FLI1: variants seen among roughly 807,000 people sequenced by gnomAD.
The protein encoded by FLI1 is Fli-1 proto-oncogene, ETS transcription factor, also known as Friend leukemia integration 1 transcription factor.
FLI1 carries 13 observed loss-of-function variants against 53.1 expected under a neutral mutation model. The observed-to-expected ratio is 0.24, with a 90% CI of 0.16 to 0.39. FLI1 has a LOEUF of 0.39. Ranked by LOEUF, FLI1 falls within the 10% of genes least tolerant of loss-of-function variation. The pLI is 1.00. For synonymous variants in FLI1, 244 were observed against 236.7 expected (o/e 1.03, Z -0.28); for missense variants, 424 against 600.5 (o/e 0.71, Z 3.07).
At position 128,810,513 on chromosome 11, in the gene FLI1, C is replaced by A. The variant is rs748615215; in HGVS notation, c.884C>A (p.Ala295Asp). 1 of 1,608,688 alleles carries A rather than the reference C, an allele frequency of 6.2e-7. No individual in the cohort carries two copies. Among genetic ancestry groups the A allele is most frequent in the South Asian group, 1.1e-5 (1 of 89,980 alleles). ...CTCCTGGAGCTGCTCTCCGACAGCG[C>A]CAACGCCAGCTGTATCACCTGGGAG... ...QFLLELLSDSANASCITWEGT... is the reference protein window; with the variant it reads ...QFLLELLSDSDNASCITWEGT... The change falls in exon 9 of 9, where the codon GCC (alanine) becomes GAC (aspartate). Residue 295 changes from alanine to aspartate, a missense_variant. By Grantham distance (126) the Ala-to-Asp change is moderately radical. Transcript: ENST00000527786. The surrounding 1 kb of genome is among the most constrained non-coding windows in gnomAD (Gnocchi z 6.6).
chr11:128,689,101 A>G (rs1937641401), upstream of FLI1, among the ~76,000 whole-genome samples: 4 of 152,212 alleles, frequency 2.6e-5, no homozygotes, highest in Non-Finnish European at 4.4e-5. Context: ...AGATGAGGAC[A>G]GTGAGGCACA....
intron 5 of FLI1, among the ~76,000 whole-genome samples, chr11:128,800,752 A>G (rs1257055594): frequency 6.6e-6 from 1 of 152,200 alleles, no homozygotes; most frequent in Non-Finnish European, 1.5e-5. Context: ...TAAGGACATC[A>G]TATATGTGAG....
chr11:128,809,316 G>A (rs630797), intron 8 of FLI1, 112 bp downstream of exon 8: 8 of 852,602 alleles, frequency 9.4e-6, no homozygotes, highest in East Asian at 2.5e-5. Context: ...TAACATGCAC[G>A]TCTTTCCTTG....
At chr11:128,807,927 A>C (rs1942828924) in intron 7 of FLI1, among the ~76,000 whole-genome samples, 2 of 152,170 alleles carry the variant, frequency 1.3e-5, no homozygotes, top group Non-Finnish European at 2.9e-5. Context: ...GCTGTGCCCA[A>C]GCCCCAGCTC....
At chr11:128,706,621 C>G (rs886551468) in intron 1 of FLI1, among the ~76,000 whole-genome samples, 6 of 152,138 alleles carry the variant, frequency 3.9e-5, no homozygotes, top group African/African-American at 1.4e-4. Context: ...ATTCATGCCC[C>G]CAAACACCAC....
chr11:128,718,013 G>A (rs1939090680), intron 1 of FLI1, among the ~76,000 whole-genome samples: 1 of 152,214 alleles, frequency 6.6e-6, no homozygotes, highest in Non-Finnish European at 1.5e-5. Flanking sequence ...GTTCCCTTGG[G>A]GGCCTCTGAG....
At chr11:128,765,227 A>C (rs546111772) in intron 2 of FLI1, among the ~76,000 whole-genome samples, 112 of 152,234 alleles carry the variant, frequency 7.4e-4, no homozygotes, top group African/African-American at 2.6e-3. Context: ...TTACAAGGTC[A>C]CGTGTTAGGC....
intron 1 of FLI1, among the ~76,000 whole-genome samples, chr11:128,742,937 T>A (rs997518066): frequency 4.6e-5 from 7 of 152,180 alleles, no homozygotes; most frequent in African/African-American, 1.4e-4. Flanking sequence ...AGGTTCCCCA[T>A]GGACATTTTG....
At chr11:128,778,367 A>C (rs961340682) in intron 4 of FLI1, among the ~76,000 whole-genome samples, 1 of 152,020 alleles carries the variant, frequency 6.6e-6, no homozygotes, top group African/African-American at 2.4e-5. Flanking sequence ...CCACCCCACA[A>C]CCGCTTCCTC....
intron 1 of FLI1, among the ~76,000 whole-genome samples, chr11:128,705,784 G>T (rs1173070177): frequency 1.3e-5 from 2 of 152,068 alleles, no homozygotes; most frequent in Non-Finnish European, 2.9e-5. Context: ...TTTTCCTTTG[G>T]CAGAACAAAG....
chr11:128,788,367 G>A (rs1942163740), intron 5 of FLI1, among the ~76,000 whole-genome samples: 1 of 152,062 alleles, frequency 6.6e-6, no homozygotes, highest in Non-Finnish European at 1.5e-5. Flanking sequence ...TACCCGGGAG[G>A]CTGAAGCAGG....
In FLI1 at chr11:128,731,052, G is replaced by T. The variant is rs187002682; in HGVS notation, c.19-27063G>T. Among the ~76,000 whole-genome samples the T allele has an allele frequency of 3.5e-3, 535 of 152,348 alleles. 1 individual carries two copies. The highest frequency in any genetic ancestry group is 0.013 in the African/African-American group (524 of 41,570). On this transcript the variant is annotated intron_variant, in intron 1 of 8. Transcript: ENST00000527786. The stretch of plus-strand genomic sequence containing the variant: ...GCACATGCCATCATGTCCTCTCCCC[G>T]TGAAAGAAGTTCATAATAATCTGTG...
chr11:128,762,286 A>G (rs1030464092), intron 2 of FLI1, among the ~76,000 whole-genome samples: 2 of 152,224 alleles, frequency 1.3e-5, no homozygotes, highest in African/African-American at 4.8e-5. Flanking sequence ...TCGCCATAAC[A>G]CAAAAAGATA....
At chr11:128,790,283 AAGAG>A (rs1235939969) in intron 5 of FLI1, among the ~76,000 whole-genome samples, 2 of 141,902 alleles carry the variant, frequency 1.4e-5, no homozygotes, top group African/African-American at 2.7e-5. Context: ...GAGAGAGATT[AAGAG>A]AGAGAGAGAC....
intron 1 of FLI1, among the ~76,000 whole-genome samples, chr11:128,748,715 TA>T (rs1224478466): frequency 1.3e-5 from 2 of 152,038 alleles, no homozygotes; most frequent in Non-Finnish European, 2.9e-5. Flanking sequence ...TGCTACGGCC[TA>T]AAATTGGAGA....
upstream of FLI1, among the ~76,000 whole-genome samples, chr11:128,685,272 T>C (rs1865780876): frequency 6.6e-6 from 1 of 152,224 alleles, no homozygotes; most frequent in Non-Finnish European, 1.5e-5. Context: ...CTGGCTGGGT[T>C]CTGGGAGCTC....
chr11:128,718,963 C>T lies in FLI1; in HGVS notation c.18+24687C>T, dbSNP rs534885448. Among the ~76,000 whole-genome samples the T allele has an allele frequency of 5.3e-5, 8 of 152,312 alleles. 1 individual carries two copies. In the South Asian group the frequency reaches 1.7e-3, roughly 32 times the overall value. ...CTGCTTTTAGCCTAAGCACTATGTTCAACATAAACGAACTTTCGGTATTTT... is the reference window on the plus strand; with the variant it reads ...CTGCTTTTAGCCTAAGCACTATGTTTAACATAAACGAACTTTCGGTATTTT... On this transcript the variant is annotated intron_variant, in intron 1 of 8. Transcript: ENST00000527786.
intron 5 of FLI1, among the ~76,000 whole-genome samples, chr11:128,800,462 T>G (rs1032197409): frequency 2.0e-5 from 3 of 152,172 alleles, no homozygotes; most frequent in Admixed American, 1.3e-4. Context: ...ACGTTTGGGC[T>G]TTCAGACAGC....
intron 1 of FLI1, among the ~76,000 whole-genome samples, chr11:128,745,764 G>A (rs1233599303): frequency 6.6e-6 from 1 of 152,214 alleles, no homozygotes. Flanking sequence ...GAGGCAGGAC[G>A]TCCTTGCTTC....
Sources: gnomAD v4.1 joint callset for allele counts (sites outside exome capture counted in the v4.1 genomes callset) on GRCh38, gnomAD v4.1.1 for gene constraint, Gnocchi (gnomAD v3.1) non-coding constraint, MANE v1.5 for transcripts, NCBI Gene and HGNC (gene_info 2026-07-23, HGNC 2026-07-21) for gene names.